Variants in ZNF721 observed in about 807,000 individuals in gnomAD.
The protein encoded by ZNF721 is zinc finger protein 721.
In ZNF721, 2 loss-of-function variants were observed where a neutral mutation model predicts 2.4. That is an observed-to-expected ratio of 0.82 (90% confidence interval 0.34 to 2.58). The LOEUF is 2.58. ZNF721 is among the 30% of genes most tolerant of loss of function. The probability of loss-of-function intolerance (pLI) is 0.11; values close to 1 mark genes in which losing one functional copy is unlikely to be tolerated. For synonymous variants in ZNF721, 398 were observed against 381.8 expected (o/e 1.04, Z -0.50); for missense variants, 1,187 against 1,085.5 (o/e 1.09, Z -1.31).
At chr4:497,432 G>A (rs998514558) in intron 1 of ZNF721, among the ~76,000 whole-genome samples, 1 of 151,972 alleles carries the variant, frequency 6.6e-6, no homozygotes, top group Non-Finnish European at 1.5e-5. Context: ...AATGTCAATC[G>A]AGAAAAATGA....
chr4:460,825 G>A lies in ZNF721; in HGVS notation c.34+11750C>T, dbSNP rs918924088. 6.6e-5 allele frequency among the ~76,000 whole-genome samples: 10 copies of A among 152,092 alleles called. No individual in the cohort carries two copies. In the South Asian group the frequency reaches 1.2e-3, roughly 19 times the overall value. On this transcript the variant is annotated intron_variant, in intron 2 of 2. Transcript: ENST00000511833. ...CAGAGAATACGATAAACAACTCTAC[G>A]CAAATAAACTAGAAAATCCAGAAGA...
At position 442,862 on chromosome 4, in the gene ZNF721, G is replaced by A. The variant is rs782466109; in HGVS notation, c.1605C>T (p.Gly535=). Reference sequence around the variant, plus strand: ...GGATTGCGGACTGTCTAAAGGCTTTGCCACATACTTCACATGTGTAGGGTT... The same window carrying A: ...GGATTGCGGACTGTCTAAAGGCTTTACCACATACTTCACATGTGTAGGGTT... ...GEKPYTCEVC[G]KAFRQSAILY... is the part of the protein sequence containing the mutation. The change falls in exon 3 of 3, where the codon GGC becomes GGT. Residue 535 remains glycine (G), a synonymous_variant. Coordinates refer to ENST00000511833, the MANE Select transcript of ZNF721 (RefSeq NM_133474.4). The A allele has an allele frequency of 1.9e-6, 3 of 1,613,790 alleles. No homozygotes were observed. The highest frequency in any genetic ancestry group is 2.2e-5 in the South Asian group (2 of 91,046).
intron 1 of ZNF721, among the ~76,000 whole-genome samples, chr4:495,979 G>A (rs1553872154): frequency 6.6e-6 from 1 of 152,214 alleles, no homozygotes; most frequent in East Asian, 1.9e-4. Flanking sequence ...CGGCCGGACA[G>A]AATGCTACTT....
intron 2 of ZNF721, among the ~76,000 whole-genome samples, chr4:465,994 C>A (rs1201785554): frequency 1.4e-5 from 2 of 146,092 alleles, no homozygotes; most frequent in South Asian, 2.2e-4. Context: ...TGTCGTTTTT[C>A]TTTTCTTTTT....
rs115711413 is a variant in ZNF721 at position 458,050 on chromosome 4, C to T, written c.35-13618G>A. The stretch of plus-strand genomic sequence containing the variant: ...TCTTAGCTGTGATCAAGGGTCAGTA[C>T]TGCTCATTTAGGAACCTGTCCAATG... On this transcript the variant is annotated intron_variant, in intron 2 of 2. Coordinates refer to ENST00000511833, the MANE Select transcript of ZNF721 (RefSeq NM_133474.4). Among the ~76,000 whole-genome samples the T allele has an allele frequency of 4.1e-3, 620 of 152,282 alleles. 8 individuals carry two copies. The highest frequency in any genetic ancestry group is 0.014 in the African/African-American group (584 of 41,504).
At chr4:487,541 T>C (rs1198027207) in intron 1 of ZNF721, among the ~76,000 whole-genome samples, 1 of 152,200 alleles carries the variant, frequency 6.6e-6, no homozygotes, top group South Asian at 2.1e-4. Flanking sequence ...TGGGATTGTT[T>C]GTTATGCAGT....
Position 443,653 on chromosome 4 carries a change from T to C in ZNF721, c.814A>G (p.Thr272Ala), listed in dbSNP as rs782273290. ...SSFAKHKRIH[T>A]GEKPFKCLEC... ...AAACATTTAAAGGGTTTCTCGCCAG[T>C]ATGAATCCTCTTATGTTTAGCAAAG... Residue 272 changes from threonine to alanine, a missense_variant, in exon 3 of 3, where the codon ACT becomes GCT. Physicochemically the swap from Thr to Ala is moderately conservative, Grantham distance 58. Coordinates refer to ENST00000511833, the MANE Select transcript of ZNF721 (RefSeq NM_133474.4). 11 of 1,614,056 alleles carry C rather than the reference T, an allele frequency of 6.8e-6. No individual in the cohort carries two copies. In the East Asian group the frequency reaches 2.2e-4, roughly 33 times the overall value.
intron 2 of ZNF721, 132 bp from the exon 3 acceptor site, chr4:444,564 A>C (rs900567735): frequency 1.1e-6 from 1 of 928,364 alleles, no homozygotes; most frequent in Non-Finnish European, 1.6e-6. Context: ...ACTTCTTCAC[A>C]TATACATGTA....
chr4:457,224 G>A (rs1308198436), intron 2 of ZNF721, among the ~76,000 whole-genome samples: 3 of 152,134 alleles, frequency 2.0e-5, no homozygotes, highest in Non-Finnish European at 4.4e-5. Context: ...GACATAGAAT[G>A]TATCAGAAAC....
chr4:471,577 G>C (rs1247758965), intron 2 of ZNF721, among the ~76,000 whole-genome samples: 2 of 152,124 alleles, frequency 1.3e-5, no homozygotes, highest in African/African-American at 4.8e-5. Context: ...TGTTCAAAGA[G>C]TATAAATTTT....
chr4:476,271 T>G (rs1715621323), intron 1 of ZNF721, among the ~76,000 whole-genome samples: 1 of 152,234 alleles, frequency 6.6e-6, no homozygotes, highest in Non-Finnish European at 1.5e-5. Context: ...ATTGTCCTAC[T>G]CAAACTAATC....
intron 1 of ZNF721, among the ~76,000 whole-genome samples, chr4:478,905 G>T (rs534505023): frequency 6.6e-6 from 1 of 151,916 alleles, no homozygotes; most frequent in Non-Finnish European, 1.5e-5. Context: ...GAGTAGCTGG[G>T]ATTACAGGCA....
rs550188909 is a variant in ZNF721 at position 472,489 on chromosome 4, T to C, written c.34+86A>G. ...TGTGTGTGAGACACACATTTTTATA[T>C]AGATATATCTCAAAAGACATTCTAC... On this transcript the variant is annotated intron_variant, in intron 2 of 2. Transcript: ENST00000511833. 19 of 1,431,508 alleles carry C rather than the reference T, an allele frequency of 1.3e-5. No individual in the cohort carries two copies. In the African/African-American group the frequency reaches 1.4e-4, roughly 11 times the overall value. 88.7% of individuals were successfully genotyped at this position (1,431,508 alleles called of 1,614,324 possible). A position where few individuals can be genotyped will look rare whatever the true frequency, so the allele number is the denominator to read the frequency against.
In ZNF721 at chr4:440,429, G is replaced by A. The variant is rs1327795567; in HGVS notation, c.*1266C>T. ...TTTTTCAAGTGAAAAAATATATTTC[G>A]AATATATCTCTTCAAAAACCTACTT... On this transcript the variant is annotated 3_prime_UTR_variant, in exon 3 of 3. Coordinates refer to ENST00000511833, the MANE Select transcript of ZNF721 (RefSeq NM_133474.4). 5 of 151,876 alleles carry A rather than the reference G, an allele frequency of 3.3e-5. No individual in the cohort carries two copies. The highest frequency in any genetic ancestry group is 7.3e-5 in the African/African-American group (3 of 41,338). 9.4% of individuals were successfully genotyped at this position (151,876 alleles called of 1,614,324 possible). A position where few individuals can be genotyped will look rare whatever the true frequency, so the allele number is the denominator to read the frequency against.
intron 1 of ZNF721, among the ~76,000 whole-genome samples, chr4:479,535 G>A (rs1004553804): frequency 6.6e-6 from 1 of 152,232 alleles, no homozygotes; most frequent in Admixed American, 6.5e-5. Context: ...TGGAGAACAG[G>A]ACGTTCAGGG....
At chr4:463,707 G>A (rs568802589) in intron 2 of ZNF721, among the ~76,000 whole-genome samples, 15 of 152,250 alleles carry the variant, frequency 9.9e-5, no homozygotes, top group African/African-American at 3.4e-4. Context: ...GTTGAACAAT[G>A]AGAACACATG....
chr4:481,709 T>C lies in ZNF721; in HGVS notation c.-93-9008A>G, dbSNP rs138230330. 2.2e-3 allele frequency among the ~76,000 whole-genome samples: 338 copies of C among 152,244 alleles called. 3 individuals are homozygous for C. Among genetic ancestry groups the C allele is most frequent in the African/African-American group, 7.7e-3 (318 of 41,544 alleles). ...TTGACAGGAGTTAACATCCATTCCA[T>C]TATCTTTTTAAGTGTTTCACTGTCA... On this transcript the variant is annotated intron_variant, in intron 1 of 2. Transcript: ENST00000511833.
intron 2 of ZNF721, among the ~76,000 whole-genome samples, chr4:470,868 T>C (rs1553867563): frequency 6.6e-6 from 1 of 151,660 alleles, no homozygotes; most frequent in Non-Finnish European, 1.5e-5. Context: ...GGTGTGGTGG[T>C]GTGCACCAGG....
chr4:455,389 GA>G (rs1714814988), intron 2 of ZNF721, among the ~76,000 whole-genome samples: 1 of 152,096 alleles, frequency 6.6e-6, no homozygotes, highest in African/African-American at 2.4e-5. Flanking sequence ...CCAACACGGT[GA>G]AACCCTGTCT....
Sources: gnomAD v4.1 joint callset for allele counts (sites outside exome capture counted in the v4.1 genomes callset) on GRCh38, gnomAD v4.1.1 for gene constraint, MANE v1.5 for transcripts, NCBI Gene and HGNC (gene_info 2026-07-23, HGNC 2026-07-21) for gene names.